Variants in CNTNAP5 observed in about 807,000 individuals in gnomAD.
CNTNAP5 encodes contactin-associated protein-like 5.
CNTNAP5 carries 72 observed loss-of-function variants against 150.2 expected under a neutral mutation model. The ratio of observed to expected loss-of-function variants is 0.48; its 90% CI spans 0.40 to 0.58. The LOEUF (loss-of-function observed/expected upper bound fraction) is 0.58, where lower values mean the gene tolerates loss of function less well. Among genes scored for constraint, CNTNAP5 ranks in the 20% least tolerant of loss-of-function variants. The pLI is 0.00. For synonymous variants in CNTNAP5, 672 were observed against 619.8 expected, an observed-to-expected ratio of 1.08 and a Z score of -1.25; for missense variants, 1,636 against 1,626.2, an observed-to-expected ratio of 1.01 and a Z score of -0.10.
At chr2:124,682,066 T>A (rs992904771) in intron 13 of CNTNAP5, among the ~76,000 whole-genome samples, 1 of 152,202 alleles carries the variant, frequency 6.6e-6, no homozygotes, top group South Asian at 2.1e-4. Context: ...AGCTTTTACT[T>A]CCTGCTTGTG....
At chr2:124,835,451 G>A (rs72963822) in intron 19 of CNTNAP5, among the ~76,000 whole-genome samples, 3 of 152,110 alleles carry the variant, frequency 2.0e-5, no homozygotes, top group Non-Finnish European at 4.4e-5. Flanking sequence ...ACTTGGGAAA[G>A]GTCCATCCTG....
At chr2:124,511,741 C>T (rs1694595712) in intron 8 of CNTNAP5, among the ~76,000 whole-genome samples, 1 of 152,192 alleles carries the variant, frequency 6.6e-6, no homozygotes, top group Non-Finnish European at 1.5e-5. Context: ...GGCCAAGCCC[C>T]TTGCCAGAGG....
chr2:124,515,438 T>C (rs551868964), intron 8 of CNTNAP5, among the ~76,000 whole-genome samples: 18 of 152,298 alleles, frequency 1.2e-4, no homozygotes, highest in African/African-American at 3.9e-4. Context: ...GTGGATGCTA[T>C]AGGAATTTAG....
rs577241245 is a variant in CNTNAP5, at chr2:124,866,682, A to C, written c.3348+1246A>C. On this transcript the variant is annotated intron_variant, in intron 20 of 23. Transcript: ENST00000682447. ...ATGAGATCTCAGTGGGCTCCATATA[A>C]AGGGCCAGCAGCAGATGATGGCAGA... 3.3e-5 allele frequency among the ~76,000 whole-genome samples: 5 copies of C among 152,186 alleles called. No individual in the cohort carries two copies. In the South Asian group the frequency reaches 8.3e-4, roughly 25 times the overall value.
intron 13 of CNTNAP5, among the ~76,000 whole-genome samples, chr2:124,743,323 G>A (rs1248906845): frequency 6.6e-6 from 1 of 152,112 alleles, no homozygotes; most frequent in Non-Finnish European, 1.5e-5. Context: ...CTGTATTAGG[G>A]GAAAATGTGT....
intron 10 of CNTNAP5, among the ~76,000 whole-genome samples, chr2:124,551,643 C>T (rs1050231174): frequency 6.6e-6 from 1 of 152,188 alleles, no homozygotes; most frequent in East Asian, 1.9e-4. Flanking sequence ...TTGAAACTGA[C>T]CTTCAATTTT....
intron 1 of CNTNAP5, among the ~76,000 whole-genome samples, chr2:124,054,558 A>G (rs542989796): frequency 2.1e-3 from 324 of 152,238 alleles, no homozygotes; most frequent in Non-Finnish European, 3.3e-3. Context: ...AGACCTGCAG[A>G]AAAAGGAGTC....
chr2:124,500,020 C>A (rs754868837), intron 7 of CNTNAP5, among the ~76,000 whole-genome samples: 1 of 151,482 alleles, frequency 6.6e-6, no homozygotes, highest in Non-Finnish European at 1.5e-5. Context: ...CTGGAGAAGA[C>A]GAGATGAAAT....
At chr2:124,046,463 G>A (rs1434028758) in intron 1 of CNTNAP5, among the ~76,000 whole-genome samples, 1 of 147,280 alleles carries the variant, frequency 6.8e-6, no homozygotes, top group Non-Finnish European at 1.5e-5. Flanking sequence ...AGAATAACAG[G>A]TTAATATCTA....
chr2:124,256,188 A>C (rs894187084), intron 3 of CNTNAP5, among the ~76,000 whole-genome samples: 1 of 152,078 alleles, frequency 6.6e-6, no homozygotes, highest in African/African-American at 2.4e-5. Flanking sequence ...TATAAAAAAA[A>C]CCTTCGTTCG....
At chr2:124,266,954 G>C (rs1289433620) in intron 3 of CNTNAP5, among the ~76,000 whole-genome samples, 4 of 148,200 alleles carry the variant, frequency 2.7e-5, no homozygotes, top group Non-Finnish European at 5.9e-5. Flanking sequence ...TATTATGTGG[G>C]AAAGATAGAT....
intron 13 of CNTNAP5, among the ~76,000 whole-genome samples, chr2:124,745,200 C>T (rs1472239724): frequency 6.6e-6 from 1 of 152,158 alleles, no homozygotes; most frequent in Admixed American, 6.5e-5. Flanking sequence ...CACAAACTGG[C>T]TGTTCAGAGC....
intron 3 of CNTNAP5, among the ~76,000 whole-genome samples, chr2:124,413,489 C>T (rs1691832125): frequency 1.5e-5 from 2 of 132,966 alleles, no homozygotes; most frequent in African/African-American, 5.7e-5. Flanking sequence ...CCCAAATGTC[C>T]AACAATGATA....
At chr2:124,450,205 G>A (rs1321230114) in intron 6 of CNTNAP5, among the ~76,000 whole-genome samples, 1 of 151,344 alleles carries the variant, frequency 6.6e-6, no homozygotes, top group Non-Finnish European at 1.5e-5. Flanking sequence ...TTTGGAGCAT[G>A]TACTACTCTG....
chr2:124,044,570 AT>A (rs938129627), intron 1 of CNTNAP5, among the ~76,000 whole-genome samples: 2 of 151,858 alleles, frequency 1.3e-5, no homozygotes, highest in African/African-American at 4.8e-5. Context: ...AACCATGGCT[AT>A]TTTTTTTCAA....
intron 13 of CNTNAP5, among the ~76,000 whole-genome samples, chr2:124,689,722 G>A (rs551383739): frequency 2.6e-5 from 4 of 152,150 alleles, no homozygotes; most frequent in African/African-American, 9.6e-5. Context: ...CAGTATCTCT[G>A]CAGCATAGGT....
intron 6 of CNTNAP5, among the ~76,000 whole-genome samples, chr2:124,451,088 A>ACACG (rs1301246704): frequency 3.5e-5 from 5 of 140,888 alleles, no homozygotes; most frequent in Non-Finnish European, 7.6e-5. Context: ...ACACACACAC[A>ACACG]CACACACACA....
At chr2:124,576,493 C>A (rs543462326) in intron 11 of CNTNAP5, among the ~76,000 whole-genome samples, 1 of 152,326 alleles carries the variant, frequency 6.6e-6, no homozygotes, top group African/African-American at 2.4e-5. Flanking sequence ...GGGATACCTG[C>A]AGCTCACAGG....
chr2:124,067,165 T>C (rs1682181783), intron 1 of CNTNAP5, among the ~76,000 whole-genome samples: 1 of 152,214 alleles, frequency 6.6e-6, no homozygotes, highest in African/African-American at 2.4e-5. Context: ...ACACACAAAA[T>C]CTGGAAGTAT....
Sources: gnomAD v4.1 joint callset for allele counts (sites outside exome capture counted in the v4.1 genomes callset) on GRCh38, gnomAD v4.1.1 for gene constraint, MANE v1.5 for transcripts, NCBI Gene and HGNC (gene_info 2026-07-23, HGNC 2026-07-21) for gene names.